Variants in CNNM4 observed in about 807,000 individuals in gnomAD.
CNNM4 encodes the protein cyclin and CBS domain divalent metal cation transport mediator 4.
A neutral mutation model predicts 53.7 loss-of-function variants in CNNM4; 32 were observed. The observed-to-expected ratio is 0.60, with a 90% CI of 0.45 to 0.80. The LOEUF (loss-of-function observed/expected upper bound fraction) is 0.80, where lower values mean the gene tolerates loss of function less well. Ranked by LOEUF, CNNM4 falls within the 30% of genes least tolerant of loss-of-function variation. CNNM4 has a pLI of 0.00. For synonymous variants in CNNM4, 410 were observed against 440.0 expected (o/e 0.93, Z 0.85); for missense variants, 784 against 1,022.0 (o/e 0.77, Z 3.17).
At chr2:96,802,795 G>A (rs911766322) in intron 5 of CNNM4, among the ~76,000 whole-genome samples, 7 of 152,222 alleles carry the variant, frequency 4.6e-5, no homozygotes, top group Non-Finnish European at 7.3e-5. Flanking sequence ...GGCCTTGGAT[G>A]TGTCATGCTC....
chr2:96,807,502 C>G (rs993630000), intron 5 of CNNM4, among the ~76,000 whole-genome samples: 3 of 152,020 alleles, frequency 2.0e-5, no homozygotes, highest in African/African-American at 7.3e-5. Flanking sequence ...GTGGAATGCG[C>G]CTGGGTGACA....
intron 1 of CNNM4, among the ~76,000 whole-genome samples, chr2:96,767,180 G>A (rs2078826397): frequency 6.6e-6 from 1 of 152,182 alleles, no homozygotes; most frequent in African/African-American, 2.4e-5. Context: ...CAGCCTTGCA[G>A]CACTTCTGTC....
intron 5 of CNNM4, among the ~76,000 whole-genome samples, chr2:96,807,966 G>A (rs1326569684): frequency 6.6e-6 from 1 of 151,998 alleles, no homozygotes; most frequent in Non-Finnish European, 1.5e-5. Context: ...TTGGCTCACT[G>A]CAATATCCAC....
chr2:96,792,047 A>G (rs577406994), intron 1 of CNNM4, among the ~76,000 whole-genome samples: 30 of 152,050 alleles, frequency 2.0e-4, no homozygotes, highest in African/African-American at 7.0e-4. Flanking sequence ...TGAGATCAGG[A>G]GCAGGAGAGT....
intron 5 of CNNM4, among the ~76,000 whole-genome samples, chr2:96,804,683 GA>G (rs2079186934): frequency 6.6e-6 from 1 of 151,994 alleles, no homozygotes; most frequent in Non-Finnish European, 1.5e-5. Flanking sequence ...TTACAGGCGT[GA>G]GCCACCGTGC....
In CNNM4 at chr2:96,797,747, C is replaced by G. The variant is rs2079117945; in HGVS notation, c.1681+100C>G. 8 of 1,518,552 alleles carry G rather than the reference C, an allele frequency of 5.3e-6. No homozygotes were observed. Among genetic ancestry groups the G allele is most frequent in the Non-Finnish European group, 7.1e-6 (8 of 1,119,684 alleles). The allele number at this position is 1,518,552 out of a possible 1,614,324, so 94.1% of individuals were successfully genotyped here. On this transcript the variant is annotated intron_variant, in intron 3 of 6. Transcript: ENST00000377075. The surrounding 1 kb of genome is among the most constrained non-coding windows in gnomAD (Gnocchi z 6.0). ...TCCCCCCATAGGACGAGGGCTGCAG[C>G]AGGTGAGGGGTGCAGAGACAACACA...
chr2:96,761,539 G>C lies in CNNM4; in HGVS notation c.540G>C (p.Leu180=), dbSNP rs751741858. Residue 180 remains leucine, a synonymous_variant, in exon 1 of 7, where the codon CTG becomes CTC. Coordinates refer to ENST00000377075, the MANE Select transcript of CNNM4 (RefSeq NM_020184.4). The surrounding 1 kb of genome is among the most constrained non-coding windows in gnomAD (Gnocchi z 6.0). ...TGGTGGAGGAGCCTGGGAGGTTCCT[G>C]CCTCTCTGGCTGCACATTCTCCTAA... is the stretch of plus-strand genomic sequence containing the variant. ...LFMVEEPGRF[L]PLWLHILLIT... is the part of the protein sequence containing the mutation. 1 of 1,614,088 alleles carries C rather than the reference G, an allele frequency of 6.2e-7. No individual in the cohort carries two copies. Among genetic ancestry groups the C allele is most frequent in the South Asian group, 1.1e-5 (1 of 91,076 alleles).
rs751902578 is a variant in CNNM4, at chr2:96,762,367, C to A, written c.1368C>A (p.Thr456=). ...CGGTGCACTTTGTCTTCCATGACACCAAGTTGGATGCCATGCTGGAGGAGT... is the reference window on the plus strand; with the variant it reads ...CGGTGCACTTTGTCTTCCATGACACAAAGTTGGATGCCATGCTGGAGGAGT... ...NHPVHFVFHD[T]KLDAMLEEFK... is the part of the protein sequence containing the mutation. The change falls in exon 1 of 7, where the codon ACC becomes ACA. Residue 456 remains threonine (T), a synonymous_variant. Coordinates refer to ENST00000377075, the MANE Select transcript of CNNM4 (RefSeq NM_020184.4). 2 of 1,614,152 alleles carry A rather than the reference C, an allele frequency of 1.2e-6. No individual in the cohort carries two copies. Among genetic ancestry groups the A allele is most frequent in the South Asian group, 2.2e-5 (2 of 91,068 alleles).
intron 5 of CNNM4, among the ~76,000 whole-genome samples, chr2:96,807,655 A>G (rs2079221922): frequency 6.6e-6 from 1 of 151,928 alleles, no homozygotes; most frequent in African/African-American, 2.4e-5. Context: ...GAATTGCTTA[A>G]ACCTGGGAGG....
In CNNM4 at chr2:96,808,440, AAG is replaced by A; in HGVS notation, c.1949-119_1949-118del. 1.0e-6 allele frequency: 1 copy of A among 961,542 alleles called. No individual in the cohort carries two copies. The highest frequency in any genetic ancestry group is 2.0e-5 in the Admixed American group (1 of 50,554). 59.6% of individuals were successfully genotyped at this position (961,542 alleles called of 1,614,324 possible). ...CTTCTACATGCTTCTGTTTGTCCCT[AAG>A]AATGACTTCCTGTTCCTGGGTGGGG... is the stretch of plus-strand genomic sequence containing the variant. On this transcript the variant is annotated intron_variant, in intron 5 of 6. Coordinates refer to ENST00000377075, the MANE Select transcript of CNNM4 (RefSeq NM_020184.4). The surrounding 1 kb of genome is among the most constrained non-coding windows in gnomAD (Gnocchi z 4.9).
At chr2:96,804,977 C>G (rs570792103) in intron 5 of CNNM4, among the ~76,000 whole-genome samples, 1 of 151,996 alleles carries the variant, frequency 6.6e-6, no homozygotes, top group East Asian at 1.9e-4. Flanking sequence ...GGTAACATAG[C>G]AAGACCCTTT....
Position 96,790,889 on chromosome 2 carries a change from G to A in CNNM4, c.1403-6123G>A, listed in dbSNP as rs2079056857. Among the ~76,000 whole-genome samples, 4 of 151,452 alleles carry A rather than the reference G, an allele frequency of 2.6e-5. No homozygotes were observed. In the South Asian group the frequency reaches 8.3e-4, roughly 31 times the overall value. Reference sequence around the variant, plus strand: ...AATCCCAGCACTTTGGGAGGTTGAGGCGGGTGGATCACCTGAGGTCAGAAG... The same window carrying A: ...AATCCCAGCACTTTGGGAGGTTGAGACGGGTGGATCACCTGAGGTCAGAAG... On this transcript the variant is annotated intron_variant, in intron 1 of 6. Coordinates refer to ENST00000377075, the MANE Select transcript of CNNM4 (RefSeq NM_020184.4).
chr2:96,766,599 G>A (rs2078821487), intron 1 of CNNM4, among the ~76,000 whole-genome samples: 1 of 152,094 alleles, frequency 6.6e-6, no homozygotes. Context: ...TCTTCTCGTA[G>A]CACACATTGC....
At chr2:96,790,664 G>GT (rs1324476055) in intron 1 of CNNM4, among the ~76,000 whole-genome samples, 42 of 144,026 alleles carry the variant, frequency 2.9e-4, no homozygotes, top group East Asian at 6.6e-4. Context: ...TAATGGATGT[G>GT]TTTTTTTTTT....
In CNNM4 at chr2:96,801,128, C is replaced by T. The variant is rs2079153992; in HGVS notation, c.1948+1480C>T. 1 of 985,342 alleles carries T rather than the reference C, an allele frequency of 1.0e-6. No homozygotes were observed. Among genetic ancestry groups the T allele is most frequent in the Non-Finnish European group, 1.2e-6 (1 of 829,860 alleles). 61.0% of individuals were successfully genotyped at this position (985,342 alleles called of 1,614,324 possible). On this transcript the variant is annotated intron_variant, in intron 5 of 6. Transcript: ENST00000377075. This position sits in a 1 kb window ranked among gnomAD's most constrained non-coding sequence, Gnocchi z 5.6. The stretch of plus-strand genomic sequence containing the variant: ...CAAGCGGAACTCCCTGCTCTGCTGG[C>T]TCACAGGTAACGTGGCACAGCTGAG...
At chr2:96,802,124 C>G (rs1200880038) in intron 5 of CNNM4, among the ~76,000 whole-genome samples, 1 of 151,400 alleles carries the variant, frequency 6.6e-6, no homozygotes, top group Non-Finnish European at 1.5e-5. Context: ...CACACAAACA[C>G]AGAGACACAC....
rs768243592 is a variant in CNNM4, at chr2:96,809,902, C to T, written c.*385C>T. 8.6e-5 allele frequency: 14 copies of T among 163,574 alleles called. No individual in the cohort carries two copies. The highest frequency in any genetic ancestry group is 1.2e-4 in the African/African-American group (5 of 41,592). 10.1% of individuals were successfully genotyped at this position (163,574 alleles called of 1,614,324 possible). On this transcript the variant is annotated 3_prime_UTR_variant, in exon 7 of 7. Transcript: ENST00000377075. ...ATAAAAGAGGAAGGGTTTCTTGTCC[C>T]GGGAAGCAACGGACATAATCTGTTC...
At chr2:96,796,131 C>CTTTTTTTTTTT in intron 1 of CNNM4, among the ~76,000 whole-genome samples, 1 of 50,670 alleles carries the variant, frequency 2.0e-5, no homozygotes, top group Non-Finnish European at 3.8e-5. Context: ...CAGACAGGGT[C>CTTTTTTTTTTT]TTTTTTTTTT....
Position 96,761,057 on chromosome 2 carries a change from C to T in CNNM4, c.58C>T (p.Leu20Phe). 5 of 1,253,542 alleles carry T rather than the reference C, an allele frequency of 4.0e-6. No individual in the cohort carries two copies. Among genetic ancestry groups the T allele is most frequent in the Non-Finnish European group, 5.0e-6 (5 of 995,418 alleles). The allele number at this position is 1,253,542 out of a possible 1,614,324, so 77.7% of individuals were successfully genotyped here. Reference protein sequence around the residue: ...PVGGPARGRLLLAAPVLLVLL... With the variant: ...PVGGPARGRLFLAAPVLLVLL... The stretch of plus-strand genomic sequence containing the variant: ...CGGCGGACCGGCCCGCGGGCGCCTC[C>T]TCCTGGCGGCGCCGGTGCTGCTGGT... The change falls in exon 1 of 7, where the codon CTC becomes TTC. Residue 20 changes from leucine to phenylalanine, a missense_variant. Physicochemically the swap from Leu to Phe is conservative, Grantham distance 22. Transcript: ENST00000377075. This position sits in a 1 kb window ranked among gnomAD's most constrained non-coding sequence, Gnocchi z 6.0.
Sources: allele counts gnomAD v4.1 joint callset (sites outside exome capture counted in the v4.1 genomes callset), GRCh38; gene constraint gnomAD v4.1.1; non-coding constraint Gnocchi (gnomAD v3.1); transcripts MANE v1.5; gene names NCBI Gene and HGNC (gene_info 2026-07-23, HGNC 2026-07-21).